PRKCE: variants seen among roughly 807,000 people sequenced by gnomAD.
The protein encoded by PRKCE is protein kinase C epsilon type.
A neutral mutation model predicts 85.4 loss-of-function variants in PRKCE; 16 were observed. That is an observed-to-expected ratio of 0.19 (90% CI 0.13 to 0.28). PRKCE has a LOEUF of 0.28. Ranked by LOEUF, PRKCE falls within the 10% of genes least tolerant of loss-of-function variation. The probability of loss-of-function intolerance (pLI) is 1.00; values close to 1 mark genes in which losing one functional copy is unlikely to be tolerated. For synonymous variants in PRKCE, 388 were observed against 371.5 expected, an observed-to-expected ratio of 1.04 and a Z score of -0.51; for missense variants, 573 against 975.2, an observed-to-expected ratio of 0.59 and a Z score of 5.49.
chr2:46,047,960 C>G (rs1708626942), intron 10 of PRKCE, among the ~76,000 whole-genome samples: 1 of 152,136 alleles, frequency 6.6e-6, no homozygotes, highest in African/African-American at 2.4e-5. Flanking sequence ...CTGGGTAGCT[C>G]ATTAAATGTA....
intron 2 of PRKCE, among the ~76,000 whole-genome samples, chr2:45,910,492 T>C (rs1697308246): frequency 6.6e-6 from 1 of 152,188 alleles, no homozygotes; most frequent in Non-Finnish European, 1.5e-5. Context: ...TGGGAGCACC[T>C]TACATGGGAG....
At chr2:46,069,509 A>C (rs1041643968) in intron 10 of PRKCE, among the ~76,000 whole-genome samples, 2 of 152,250 alleles carry the variant, frequency 1.3e-5, no homozygotes, top group South Asian at 4.1e-4. Context: ...TTTTCTAACC[A>C]TTTAAAAAAT....
chr2:46,093,299 C>T (rs761532077), intron 11 of PRKCE, among the ~76,000 whole-genome samples: 16 of 151,852 alleles, frequency 1.1e-4, no homozygotes, highest in Non-Finnish European at 1.5e-4. Flanking sequence ...ATAACTCACC[C>T]GAGTTTACAC....
chr2:46,024,778 A>AT (rs990395361), intron 10 of PRKCE, among the ~76,000 whole-genome samples: 26 of 151,368 alleles, frequency 1.7e-4, no homozygotes, highest in South Asian at 4.2e-4. Context: ...TGTTTTTGGT[A>AT]TTTTTTTTTC....
At chr2:45,743,890 G>T (rs1461356412) in intron 1 of PRKCE, among the ~76,000 whole-genome samples, 4 of 152,054 alleles carry the variant, frequency 2.6e-5, no homozygotes, top group African/African-American at 4.8e-5. Context: ...CCAAGCACCA[G>T]CATGACCTCA....
chr2:45,662,337 T>C (rs919392794), intron 1 of PRKCE, among the ~76,000 whole-genome samples: 1 of 152,142 alleles, frequency 6.6e-6, no homozygotes, highest in Non-Finnish European at 1.5e-5. Context: ...ATAACATAAA[T>C]ATATGATCTG....
At chr2:45,862,450 C>A (rs771063254) in intron 2 of PRKCE, among the ~76,000 whole-genome samples, 2 of 152,134 alleles carry the variant, frequency 1.3e-5, no homozygotes, top group Non-Finnish European at 2.9e-5. Flanking sequence ...GGAGATTGTT[C>A]CATCTTTTTT....
intron 10 of PRKCE, among the ~76,000 whole-genome samples, chr2:46,069,086 G>C (rs541234002): frequency 2.0e-5 from 3 of 152,236 alleles, no homozygotes; most frequent in Non-Finnish European, 4.4e-5. Flanking sequence ...TAGAACTGGG[G>C]CTTGGTTCCA....
At chr2:46,016,590 T>C (rs949515153) in intron 10 of PRKCE, among the ~76,000 whole-genome samples, 2 of 152,070 alleles carry the variant, frequency 1.3e-5, no homozygotes, top group Non-Finnish European at 2.9e-5. Flanking sequence ...AAACCTTACA[T>C]TTGAATAGGA....
At position 46,001,399 on chromosome 2, in the gene PRKCE, T is replaced by C; in HGVS notation, c.824-5T>C. 5 of 1,598,808 alleles carry C rather than the reference T, an allele frequency of 3.1e-6. No individual in the cohort carries two copies. The highest frequency in any genetic ancestry group is 4.2e-6 in the Non-Finnish European group (5 of 1,179,358). ...TATCTGTCTTTTCTCCATGTCTCCTTACAGTCTGCAAAATGAATGTTCACC... is the reference window on the plus strand; with the variant it reads ...TATCTGTCTTTTCTCCATGTCTCCTCACAGTCTGCAAAATGAATGTTCACC... On this transcript the variant is annotated splice_polypyrimidine_tract_variant and splice_region_variant and intron_variant, in intron 6 of 14. Coordinates refer to ENST00000306156, the MANE Select transcript of PRKCE (RefSeq NM_005400.3). This position sits in a 1 kb window ranked among gnomAD's most constrained non-coding sequence, Gnocchi z 4.4.
intron 10 of PRKCE, among the ~76,000 whole-genome samples, chr2:46,012,059 T>C (rs1226757747): frequency 6.6e-6 from 1 of 152,238 alleles, no homozygotes; most frequent in Non-Finnish European, 1.5e-5. Context: ...CTAATATTTA[T>C]GGGTTTGTGT....
At chr2:45,968,843 G>C (rs1191571237) in intron 2 of PRKCE, among the ~76,000 whole-genome samples, 1 of 151,970 alleles carries the variant, frequency 6.6e-6, no homozygotes, top group Non-Finnish European at 1.5e-5. Context: ...AGAAAATGTG[G>C]TCTAGGGTTT....
At chr2:46,144,848 A>C (rs1270446734) in intron 11 of PRKCE, among the ~76,000 whole-genome samples, 1 of 152,202 alleles carries the variant, frequency 6.6e-6, no homozygotes, top group Non-Finnish European at 1.5e-5. Flanking sequence ...ATTAAACCAC[A>C]GCAGTCTTGA....
At chr2:45,667,121 G>A (rs1054939747) in intron 1 of PRKCE, among the ~76,000 whole-genome samples, 1 of 152,018 alleles carries the variant, frequency 6.6e-6, no homozygotes, top group Non-Finnish European at 1.5e-5. Context: ...GACCAGCCTG[G>A]CCAACATGGT....
At chr2:45,824,520 A>C (rs182018038) in intron 1 of PRKCE, among the ~76,000 whole-genome samples, 1 of 152,246 alleles carries the variant, frequency 6.6e-6, no homozygotes, top group East Asian at 1.9e-4. Flanking sequence ...GAAAGCCTAG[A>C]ATTAGCCTTT....
intron 1 of PRKCE, among the ~76,000 whole-genome samples, chr2:45,835,742 C>CA (rs369943136): frequency 8.5e-5 from 13 of 152,154 alleles, no homozygotes; most frequent in African/African-American, 3.1e-4. Flanking sequence ...AGGCATGCAC[C>CA]ACCATGCTCA....
chr2:45,758,994 T>C lies in PRKCE; in HGVS notation c.349-84006T>C, dbSNP rs148625739. Among the ~76,000 whole-genome samples, 297 of 152,208 alleles carry C rather than the reference T, an allele frequency of 2.0e-3. 5 individuals are homozygous for C. The highest frequency in any genetic ancestry group is 0.018 in the Admixed American group (272 of 15,276). On this transcript the variant is annotated intron_variant, in intron 1 of 14. Coordinates refer to ENST00000306156, the MANE Select transcript of PRKCE (RefSeq NM_005400.3). ...GACCGTGGGAGAGTATCAGCACTCA[T>C]GAGATAGCAGGAGAGCTTCCGGGTC... is the stretch of plus-strand genomic sequence containing the variant.
intron 2 of PRKCE, among the ~76,000 whole-genome samples, chr2:45,929,154 G>A (rs186390450): frequency 1.1e-4 from 17 of 152,186 alleles, no homozygotes; most frequent in Admixed American, 1.1e-3. Flanking sequence ...TGATCTGCTC[G>A]TCATCCTACC....
At chr2:46,181,310 G>A (rs1222069493) in intron 14 of PRKCE, among the ~76,000 whole-genome samples, 2 of 152,182 alleles carry the variant, frequency 1.3e-5, no homozygotes, top group East Asian at 3.8e-4. Flanking sequence ...TGCACATAGT[G>A]GGGATGGTTA....
Sources: allele counts gnomAD v4.1 joint callset (sites outside exome capture counted in the v4.1 genomes callset), GRCh38; gene constraint gnomAD v4.1.1; non-coding constraint Gnocchi (gnomAD v3.1); transcripts MANE v1.5; gene names NCBI Gene and HGNC (gene_info 2026-07-23, HGNC 2026-07-21).